The following IPO11 variants were observed in gnomAD, a reference collection of about 807,000 sequenced individuals.
IPO11 encodes importin 11, also known as importin-11.
Under a neutral mutation model 143.2 loss-of-function variants are expected in IPO11, and 66 were observed. That is an observed-to-expected ratio of 0.46 (90% confidence interval 0.38 to 0.57). IPO11 has a LOEUF of 0.57. Ranked by LOEUF, IPO11 falls within the 20% of genes least tolerant of loss-of-function variation. The pLI is 0.00. For synonymous variants in IPO11, 385 were observed against 377.8 expected (o/e 1.02, Z -0.22); for missense variants, 1,026 against 1,141.0 (o/e 0.90, Z 1.45).
chr5:62,503,731 GC>G (rs1236237987), intron 16 of IPO11, among the ~76,000 whole-genome samples: 1 of 152,120 alleles, frequency 6.6e-6, no homozygotes, highest in Non-Finnish European at 1.5e-5. Flanking sequence ...TGCACTGTAG[GC>G]TCTTAGAATC....
At chr5:62,587,494 T>A (rs1256884049) in intron 27 of IPO11, among the ~76,000 whole-genome samples, 2 of 152,164 alleles carry the variant, frequency 1.3e-5, no homozygotes, top group African/African-American at 4.8e-5. Flanking sequence ...TTTTTTTTTT[T>A]AACTAGGTAA....
At chr5:62,549,903 T>C (rs946824771) in intron 24 of IPO11, among the ~76,000 whole-genome samples, 1 of 152,216 alleles carries the variant, frequency 6.6e-6, no homozygotes, top group African/African-American at 2.4e-5. Flanking sequence ...CCACATGCCC[T>C]TTTTCCTCCA....
intron 13 of IPO11, among the ~76,000 whole-genome samples, chr5:62,488,699 G>A (rs1561331785): frequency 6.6e-6 from 1 of 152,104 alleles, no homozygotes; most frequent in Non-Finnish European, 1.5e-5. Context: ...CTAGAGAAGA[G>A]CATGTTGTCA....
At chr5:62,477,511 T>C (rs988507949) in intron 9 of IPO11, among the ~76,000 whole-genome samples, 5 of 152,198 alleles carry the variant, frequency 3.3e-5, no homozygotes, top group African/African-American at 1.2e-4. Context: ...TGTCTTCGTT[T>C]CTCTTGTTCC....
chr5:62,529,004 C>G (rs777748710), intron 21 of IPO11, among the ~76,000 whole-genome samples: 1 of 152,044 alleles, frequency 6.6e-6, no homozygotes, highest in Non-Finnish European at 1.5e-5. Context: ...GGCTTTGGTT[C>G]TCTTTGTTGT....
Position 62,561,319 on chromosome 5 carries a change from G to A in IPO11, c.2582+62G>A, listed in dbSNP as rs113816209. 4.2e-3 allele frequency: 2,451 copies of A among 577,148 alleles called. 246 individuals carry two copies. The African/African-American group carries it at 0.046, about 11-fold the overall frequency. 35.8% of individuals were successfully genotyped at this position (577,148 alleles called of 1,614,324 possible). A position where few individuals can be genotyped will look rare whatever the true frequency, so the allele number is the denominator to read the frequency against. ...GCATCAAAATGTAAACACTATTTTTGGCCATCAGTATTGCTGTGTGTTGCT... is the reference window on the plus strand; with the variant it reads ...GCATCAAAATGTAAACACTATTTTTAGCCATCAGTATTGCTGTGTGTTGCT... On this transcript the variant is annotated intron_variant, in intron 27 of 29. Coordinates refer to ENST00000325324, the MANE Select transcript of IPO11 (RefSeq NM_016338.5).
chr5:62,478,488 G>C (rs1407709570), intron 9 of IPO11, among the ~76,000 whole-genome samples: 2 of 151,994 alleles, frequency 1.3e-5, no homozygotes, highest in Non-Finnish European at 2.9e-5. Flanking sequence ...TTTTAAATAG[G>C]ATCTTAACAC....
At chr5:62,486,979 T>G (rs999785585) in intron 12 of IPO11, among the ~76,000 whole-genome samples, 3 of 152,132 alleles carry the variant, frequency 2.0e-5, no homozygotes, top group Non-Finnish European at 2.9e-5. Flanking sequence ...TTAAAAAATT[T>G]AAATATTGTG....
chr5:62,515,530 A>G, intron 20 of IPO11, 29 bp downstream of exon 20: 2 of 1,432,268 alleles, frequency 1.4e-6, no homozygotes, highest in Non-Finnish European at 1.9e-6. Flanking sequence ...GAGTTTTTTT[A>G]GTTTAGTGGT....
intron 29 of IPO11, among the ~76,000 whole-genome samples, chr5:62,606,812 C>T (rs893573645): frequency 2.0e-5 from 3 of 152,202 alleles, no homozygotes; most frequent in Non-Finnish European, 4.4e-5. Flanking sequence ...TTAATGCAAT[C>T]AAGTATGTGT....
At chr5:62,420,549 T>C (rs1316895897) in intron 1 of IPO11, among the ~76,000 whole-genome samples, 1 of 152,084 alleles carries the variant, frequency 6.6e-6, no homozygotes, top group Non-Finnish European at 1.5e-5. Context: ...GGGATCACTG[T>C]CGTATATATG....
intron 6 of IPO11, among the ~76,000 whole-genome samples, chr5:62,469,288 A>G (rs76596036): frequency 0.092 from 14,005 of 152,252 alleles, 654 homozygotes; most frequent in South Asian, 0.15. Context: ...CATCGTTATG[A>G]TGCAGCAACT....
At chr5:62,513,365 GC>G (rs1436781744) in intron 19 of IPO11, among the ~76,000 whole-genome samples, 7 of 93,788 alleles carry the variant, frequency 7.5e-5, no homozygotes, top group African/African-American at 2.7e-4. Flanking sequence ...GGGGGGCTGA[GC>G]CCCCCACCTC....
intron 29 of IPO11, among the ~76,000 whole-genome samples, chr5:62,618,707 TTAAAAA>T (rs1239322911): frequency 6.6e-6 from 1 of 152,012 alleles, no homozygotes; most frequent in East Asian, 1.9e-4. Flanking sequence ...CAAAAAAAAA[TTAAAAA>T]TAAACTTAGG....
At position 62,574,979 on chromosome 5, in the gene IPO11, A is replaced by T. The variant is rs192096233; in HGVS notation, c.2582+13722A>T. Among the ~76,000 whole-genome samples, 6 of 152,322 alleles carry T rather than the reference A, an allele frequency of 3.9e-5. No homozygotes were observed. The South Asian group carries it at 6.2e-4, about 16-fold the overall frequency. ...GTTTATTTTTTATTCTCATAAATAGATTTGCAGCTAAAAATTTCTTAGTTG... is the reference window on the plus strand; with the variant it reads ...GTTTATTTTTTATTCTCATAAATAGTTTTGCAGCTAAAAATTTCTTAGTTG... On this transcript the variant is annotated intron_variant, in intron 27 of 29. Coordinates refer to ENST00000325324, the MANE Select transcript of IPO11 (RefSeq NM_016338.5).
chr5:62,609,330 G>A (rs1439980864), intron 29 of IPO11, among the ~76,000 whole-genome samples: 1 of 152,166 alleles, frequency 6.6e-6, no homozygotes, highest in African/African-American at 2.4e-5. Flanking sequence ...TGTCCCTTGG[G>A]CCATATGACT....
At chr5:62,426,650 A>T (rs976367556) in intron 1 of IPO11, among the ~76,000 whole-genome samples, 6 of 152,236 alleles carry the variant, frequency 3.9e-5, no homozygotes, top group African/African-American at 1.4e-4. Context: ...TGGCCTTAAA[A>T]AATGTATTTT....
At chr5:62,454,281 G>A (rs1381886072) in intron 5 of IPO11, among the ~76,000 whole-genome samples, 1 of 152,144 alleles carries the variant, frequency 6.6e-6, no homozygotes, top group Non-Finnish European at 1.5e-5. Context: ...GAAATGGACC[G>A]TTCACTCACT....
chr5:62,579,990 A>G (rs2112402796), intron 27 of IPO11: 2 of 1,551,322 alleles, frequency 1.3e-6, no homozygotes, highest in Non-Finnish European at 8.7e-7. Context: ...CTCTTCGGAT[A>G]CTTGATTTAT....
Sources: allele counts gnomAD v4.1 joint callset (sites outside exome capture counted in the v4.1 genomes callset), GRCh38; gene constraint gnomAD v4.1.1; transcripts MANE v1.5; gene names NCBI Gene and HGNC (gene_info 2026-07-23, HGNC 2026-07-21).